The following SH3BP4 variants were observed in gnomAD, a reference collection of about 807,000 sequenced individuals.
The protein encoded by SH3BP4 is SH3 domain-binding protein 4.
Under a neutral mutation model 65.5 loss-of-function variants are expected in SH3BP4, and 33 were observed. The observed-to-expected ratio is 0.50, with a 90% confidence interval of 0.38 to 0.67. SH3BP4 has a LOEUF of 0.67. SH3BP4 is among the 30% of genes least tolerant of loss of function. The pLI is 0.00. For synonymous variants in SH3BP4, 552 were observed against 545.5 expected, an observed-to-expected ratio of 1.01 and a Z score of -0.17; for missense variants, 1,134 against 1,261.4, an observed-to-expected ratio of 0.90 and a Z score of 1.53.
In SH3BP4 at chr2:234,974,448, G is replaced by A. The variant is rs73124234; in HGVS notation, c.-206-20855G>A. Among the ~76,000 whole-genome samples the A allele has an allele frequency of 6.6e-6, 1 of 152,206 alleles. No individual in the cohort carries two copies. The highest frequency in any genetic ancestry group is 1.5e-5 in the Non-Finnish European group (1 of 68,034). On this transcript the variant is annotated intron_variant, in intron 1 of 5. Coordinates refer to ENST00000392011, the MANE Select transcript of SH3BP4 (RefSeq NM_014521.3). This position sits in a 1 kb window ranked among gnomAD's most constrained non-coding sequence, Gnocchi z 4.6. ...ATTTCACTGCTCCATAAAATGCTACGTTGGTGAAATGGGCAGGATGAGTTG... is the reference window on the plus strand; with the variant it reads ...ATTTCACTGCTCCATAAAATGCTACATTGGTGAAATGGGCAGGATGAGTTG...
intron 4 of SH3BP4, among the ~76,000 whole-genome samples, chr2:235,048,635 T>C (rs1695952688): frequency 1.3e-5 from 2 of 152,206 alleles, no homozygotes; most frequent in South Asian, 4.1e-4. Flanking sequence ...CCACCATGGC[T>C]GGACAAGAAT....
intron 2 of SH3BP4, among the ~76,000 whole-genome samples, chr2:235,018,061 C>T (rs573891541): frequency 1.7e-4 from 26 of 152,142 alleles, no homozygotes; most frequent in South Asian, 4.2e-4. Flanking sequence ...CGGGGGCAGA[C>T]GAGAGCTTAC....
intron 1 of SH3BP4, among the ~76,000 whole-genome samples, chr2:234,982,088 G>C (rs1431005996): frequency 6.6e-6 from 1 of 152,152 alleles, no homozygotes. Flanking sequence ...AATATCCGGG[G>C]TAATGTACAC....
rs1428340010 is a variant in SH3BP4, at chr2:235,054,021, A to G, written c.*205A>G. 8 of 526,928 alleles carry G rather than the reference A, an allele frequency of 1.5e-5. No homozygotes were observed. Among genetic ancestry groups the G allele is most frequent in the Admixed American group, 9.5e-5 (3 of 31,526 alleles). The allele number at this position is 526,928 out of a possible 1,614,324, so 32.6% of individuals were successfully genotyped here. A position where few individuals can be genotyped will look rare whatever the true frequency, so the allele number is the denominator to read the frequency against. The stretch of plus-strand genomic sequence containing the variant: ...GACTGCCTACTGCAGCTCGTTGCCA[A>G]TCACATAGCTTTCTATTTGTTAAGT... On this transcript the variant is annotated 3_prime_UTR_variant, in exon 6 of 6. Coordinates refer to ENST00000392011, the MANE Select transcript of SH3BP4 (RefSeq NM_014521.3).
intron 2 of SH3BP4, among the ~76,000 whole-genome samples, chr2:234,996,992 C>T (rs1256545748): frequency 1.6e-5 from 2 of 124,438 alleles, no homozygotes; most frequent in Non-Finnish European, 3.4e-5. Context: ...GGAAGAGGAA[C>T]GGGAGGGTGG....
At chr2:235,051,233 G>A (rs958777913) in intron 4 of SH3BP4, among the ~76,000 whole-genome samples, 2 of 152,186 alleles carry the variant, frequency 1.3e-5, no homozygotes, top group African/African-American at 4.8e-5. Flanking sequence ...CGCCAGAGTC[G>A]CTTGCATGAC....
chr2:235,038,402 T>TAC (rs1695527276), intron 3 of SH3BP4, among the ~76,000 whole-genome samples: 1 of 85,048 alleles, frequency 1.2e-5, no homozygotes, highest in African/African-American at 5.0e-5. Flanking sequence ...TATATATATA[T>TAC]ATATATATAT....
chr2:235,028,233 T>C (rs1381084972), intron 2 of SH3BP4, among the ~76,000 whole-genome samples: 1 of 152,168 alleles, frequency 6.6e-6, no homozygotes, highest in Non-Finnish European at 1.5e-5. Context: ...AGCCTGCTCT[T>C]CTAGGGGGTC....
chr2:234,954,396 T>C (rs1692542563), intron 1 of SH3BP4, among the ~76,000 whole-genome samples: 1 of 152,170 alleles, frequency 6.6e-6, no homozygotes, highest in African/African-American at 2.4e-5. Context: ...ATTTTTTAAA[T>C]TGTCCTTTCC....
rs771557273 is a variant in SH3BP4 at position 235,042,891 on chromosome 2, C to T, written c.2122C>T (p.Gln708Ter). The T allele has an allele frequency of 6.2e-6, 10 of 1,613,508 alleles. No homozygotes were observed. The Admixed American group carries it at 1.7e-4, about 27-fold the overall frequency. Residue 708 changes from glutamine (Q) to a stop codon, truncating the protein, a stop_gained, in exon 4 of 6, where the codon CAG (glutamine) becomes TAG (stop). Coordinates refer to ENST00000392011, the MANE Select transcript of SH3BP4 (RefSeq NM_014521.3). LOFTEE classifies it high-confidence loss of function. The surrounding 1 kb of genome is among the most constrained non-coding windows in gnomAD (Gnocchi z 7.3). ...WTKEWYIGYY[Q>*]GRVGLVHTKN... is the part of the protein sequence containing the mutation. ...CAAGGAGTGGTACATCGGCTACTAC[C>T]AGGGCAGGGTGGGCCTCGTGCACAC...
intron 4 of SH3BP4, among the ~76,000 whole-genome samples, chr2:235,049,730 A>T (rs926543782): frequency 1.3e-5 from 2 of 152,246 alleles, no homozygotes; most frequent in Non-Finnish European, 2.9e-5. Context: ...TATGAAGCAT[A>T]ATCCAGACCG....
rs1481037429 is a variant in SH3BP4, at chr2:234,977,724, A to AT, written c.-206-17570dup. Among the ~76,000 whole-genome samples, 7 of 151,098 alleles carry AT rather than the reference A, an allele frequency of 4.6e-5. No individual in the cohort carries two copies. The highest frequency in any genetic ancestry group is 2.1e-4 in the South Asian group (1 of 4,764). ...CACCGAGGCACCTGCTCCGTAGATGATTTTTTTTTGCTTATGCAGTTAGTG... is the reference window on the plus strand; with the variant it reads ...CACCGAGGCACCTGCTCCGTAGATGATTTTTTTTTTGCTTATGCAGTTAGTG... On this transcript the variant is annotated intron_variant, in intron 1 of 5. Coordinates refer to ENST00000392011, the MANE Select transcript of SH3BP4 (RefSeq NM_014521.3). The surrounding 1 kb of genome is among the most constrained non-coding windows in gnomAD (Gnocchi z 5.1).
rs1292588376 is a variant in SH3BP4 at position 235,038,360 on chromosome 2, AT to A, written c.119-2527del. ...TATAGTATATATATTTTATATATATATATATAATATATATACATATATATAT... is the reference window on the plus strand; with the variant it reads ...TATAGTATATATATTTTATATATATAATATAATATATATACATATATATAT... On this transcript the variant is annotated intron_variant, in intron 3 of 5. Transcript: ENST00000392011. Among the ~76,000 whole-genome samples the A allele has an allele frequency of 2.6e-3, 23 of 8,682 alleles. 1 individual carries two copies. Among genetic ancestry groups the A allele is most frequent in the Admixed American group, 7.0e-3 (7 of 996 alleles). The allele number at this position is 8,682 out of a possible 152,430, so 5.7% of individuals were successfully genotyped here.
Position 235,043,260 on chromosome 2 carries a change from C to A in SH3BP4, c.2478+13C>A. On this transcript the variant is annotated intron_variant, in intron 4 of 5. Coordinates refer to ENST00000392011, the MANE Select transcript of SH3BP4 (RefSeq NM_014521.3). Reference sequence around the variant, plus strand: ...GGAGCTTGTGATGGTGAGTGCTCAGCAGGTGCCTGGGCGTTCAGGGGTGCT... The same window carrying A: ...GGAGCTTGTGATGGTGAGTGCTCAGAAGGTGCCTGGGCGTTCAGGGGTGCT... 6.5e-7 allele frequency: 1 copy of A among 1,546,866 alleles called. No individual in the cohort carries two copies. The highest frequency in any genetic ancestry group is 8.7e-7 in the Non-Finnish European group (1 of 1,143,472).
rs572810829 is a variant in SH3BP4, at chr2:235,023,502, G to A, written c.-132-11369G>A. On this transcript the variant is annotated intron_variant, in intron 2 of 5. Coordinates refer to ENST00000392011, the MANE Select transcript of SH3BP4 (RefSeq NM_014521.3). ...GTGGGGGTTGCAGTGAGCCGAGATC[G>A]CATCACTGCACTCCAGCCTGGGTGA... Among the ~76,000 whole-genome samples, 126 of 152,198 alleles carry A rather than the reference G, an allele frequency of 8.3e-4. 1 individual carries two copies. The highest frequency in any genetic ancestry group is 3.9e-3 in the East Asian group (20 of 5,170).
chr2:234,995,210 C>T (rs1213179096), intron 1 of SH3BP4, 93 bp from the exon 2 acceptor site: 1 of 152,378 alleles, frequency 6.6e-6, no homozygotes, highest in East Asian at 1.9e-4. Flanking sequence ...CCCGTCTGTC[C>T]TCCAGGATGT....
intron 2 of SH3BP4, among the ~76,000 whole-genome samples, chr2:235,003,558 C>G (rs778692105): frequency 6.6e-6 from 1 of 152,218 alleles, no homozygotes; most frequent in East Asian, 1.9e-4. Flanking sequence ...GAACTAAACT[C>G]TCTGGTCTGA....
At position 235,041,720 on chromosome 2, in the gene SH3BP4, A is replaced by C. The variant is rs1463928271; in HGVS notation, c.951A>C (p.Thr317=). The change falls in exon 4 of 6, where the codon ACA becomes ACC. Residue 317 remains threonine (T), a synonymous_variant. Transcript: ENST00000392011. This position sits in a 1 kb window ranked among gnomAD's most constrained non-coding sequence, Gnocchi z 6.0. The part of the protein sequence containing the change: ...PGWGQTQAVE[T]NIVCKLDSSG... ...GGGGCCAGACCCAAGCCGTGGAGAC[A>C]AACATCGTGTGCAAGCTGGATAGCT... is the stretch of plus-strand genomic sequence containing the variant. The C allele has an allele frequency of 3.1e-6, 5 of 1,611,892 alleles. No homozygotes were observed. Among genetic ancestry groups the C allele is most frequent in the Middle Eastern group, 1.7e-4 (1 of 6,058 alleles).
intron 2 of SH3BP4, among the ~76,000 whole-genome samples, chr2:234,999,267 T>G (rs1035012706): frequency 6.6e-6 from 1 of 152,240 alleles, no homozygotes; most frequent in Non-Finnish European, 1.5e-5. Flanking sequence ...GCAAGCATGT[T>G]GTGAGTTCAC....
Sources: allele counts gnomAD v4.1 joint callset (sites outside exome capture counted in the v4.1 genomes callset), GRCh38; gene constraint gnomAD v4.1.1; non-coding constraint Gnocchi (gnomAD v3.1); transcripts MANE v1.5; gene names NCBI Gene and HGNC (gene_info 2026-07-23, HGNC 2026-07-21).